Variants in CCDC201 observed in about 807,000 individuals in gnomAD.
The protein encoded by CCDC201 is coiled-coil domain containing 201.
intron 1 of CCDC201, among the ~76,000 whole-genome samples, chr7:45,870,481 T>A (rs905660718): frequency 1.3e-5 from 2 of 152,174 alleles, no homozygotes; most frequent in African/African-American, 4.8e-5. Context: ...CAAAGTAGAA[T>A]TATGGGCAAA....
intron 1 of CCDC201, among the ~76,000 whole-genome samples, chr7:45,870,393 G>T (rs1786731186): frequency 6.6e-6 from 1 of 152,174 alleles, no homozygotes; most frequent in Non-Finnish European, 1.5e-5. Flanking sequence ...AAAACACTGA[G>T]ATTGGGTTAG....
At chr7:45,876,258 A>G (rs1053389207), upstream of CCDC201, among the ~76,000 whole-genome samples, 1 of 152,178 alleles carries the variant, frequency 6.6e-6, no homozygotes, top group Non-Finnish European at 1.5e-5. Context: ...CAGTAACTCA[A>G]ATGACTACCA....
chr7:45,872,068 C>T (rs1786749041), intron 1 of CCDC201, among the ~76,000 whole-genome samples: 1 of 152,138 alleles, frequency 6.6e-6, no homozygotes, highest in Non-Finnish European at 1.5e-5. Flanking sequence ...AACAATGTTT[C>T]CTTATGGTGG....
At position 45,870,016 on chromosome 7, in the gene CCDC201, C is replaced by G. The variant is rs563303228; in HGVS notation, c.18+2974G>C. ...ATTTTTATTAGAAATGGGGTTTTGC[C>G]ATGTTGTCCAGGCTGGTCTCGAACA... is the stretch of plus-strand genomic sequence containing the variant. On this transcript the variant is annotated intron_variant, in intron 1 of 2. Transcript: ENST00000636578. Among the ~76,000 whole-genome samples, 20 of 152,212 alleles carry G rather than the reference C, an allele frequency of 1.3e-4. No individual in the cohort carries two copies. The South Asian group carries it at 3.7e-3, about 28-fold the overall frequency.
At chr7:45,884,703 C>T in the CCDC201 span, among the ~76,000 whole-genome samples, 3 of 152,144 alleles carry the variant, frequency 2.0e-5, no homozygotes, top group Non-Finnish European at 4.4e-5. Flanking sequence ...ACTTACCCTC[C>T]AAGACCAGCC....
chr7:45,869,819 ATT>A lies in CCDC201; in HGVS notation c.18+3169_18+3170del, dbSNP rs113136055. 2.8e-3 allele frequency among the ~76,000 whole-genome samples: 401 copies of A among 140,744 alleles called. 4 individuals are homozygous for A. Among genetic ancestry groups the A allele is most frequent in the African/African-American group, 9.6e-3 (369 of 38,290 alleles). The allele number at this position is 140,744 out of a possible 152,430, so 92.3% of individuals were successfully genotyped here. On this transcript the variant is annotated intron_variant, in intron 1 of 2. Transcript: ENST00000636578. Reference sequence around the variant, plus strand: ...CTACTTTACAGTTTAGTTGCTCCACATTTTTTTTTTTTTTTTGAGACAGAGTC... The same window carrying A: ...CTACTTTACAGTTTAGTTGCTCCACATTTTTTTTTTTTTTGAGACAGAGTC...
upstream of CCDC201, among the ~76,000 whole-genome samples, chr7:45,877,739 G>T (rs1432494671): frequency 6.6e-6 from 1 of 152,192 alleles, no homozygotes. Context: ...TTCAACAGGA[G>T]ATTTGGGTGG....
chr7:45,882,002 A>T, the CCDC201 span, among the ~76,000 whole-genome samples: 1 of 152,172 alleles, frequency 6.6e-6, no homozygotes, highest in African/African-American at 2.4e-5. Context: ...GGGCCTTTGC[A>T]CAGATTTACA....
chr7:45,879,978 C>T, the CCDC201 span, among the ~76,000 whole-genome samples: 2 of 151,972 alleles, frequency 1.3e-5, no homozygotes, highest in Non-Finnish European at 1.5e-5. Flanking sequence ...CCCAGCTACT[C>T]GGGAGGCTGA....
At chr7:45,869,908 C>T (rs1786725074) in intron 1 of CCDC201, among the ~76,000 whole-genome samples, 1 of 151,364 alleles carries the variant, frequency 6.6e-6, no homozygotes, top group African/African-American at 2.4e-5. Flanking sequence ...ACCTCTGCCT[C>T]TTGGATTCAA....
the CCDC201 span, among the ~76,000 whole-genome samples, chr7:45,878,589 A>G: frequency 6.6e-6 from 1 of 152,192 alleles, no homozygotes. Flanking sequence ...GCCACTTTTC[A>G]CCATGGCTGG....
chr7:45,885,038 C>T, the CCDC201 span, among the ~76,000 whole-genome samples: 33 of 152,188 alleles, frequency 2.2e-4, no homozygotes, highest in Non-Finnish European at 4.6e-4. Flanking sequence ...GAGGGGGCAG[C>T]CGCAGGAGGT....
chr7:45,863,797 T>G (rs546194481), intron 2 of CCDC201, among the ~76,000 whole-genome samples: 2 of 152,124 alleles, frequency 1.3e-5, no homozygotes, highest in South Asian at 4.2e-4. Flanking sequence ...AGTGTCTTCC[T>G]AACGCCCTGA....
the CCDC201 span, among the ~76,000 whole-genome samples, chr7:45,882,804 C>T: frequency 6.6e-6 from 1 of 152,190 alleles, no homozygotes; most frequent in Non-Finnish European, 1.5e-5. Flanking sequence ...GTTTAATACC[C>T]TTTTTTGCTC....
At chr7:45,874,245 A>T (rs1291583200), upstream of CCDC201, among the ~76,000 whole-genome samples, 1 of 152,176 alleles carries the variant, frequency 6.6e-6, no homozygotes, top group African/African-American at 2.4e-5. Context: ...AAGACAGCCC[A>T]TAGTTGTGGG....
chr7:45,879,087 T>C, the CCDC201 span, among the ~76,000 whole-genome samples: 3 of 152,262 alleles, frequency 2.0e-5, no homozygotes, highest in African/African-American at 4.8e-5. Flanking sequence ...AAAATGTTGC[T>C]AGTCTCTGCT....
exon 3 of CCDC201, chr7:45,861,055 GTCAC>G (rs1267574533): frequency 6.6e-6 from 1 of 152,174 alleles, no homozygotes; most frequent in Non-Finnish European, 1.5e-5. Context: ...CTTCCCCAGA[GTCAC>G]TCACATTATT....
chr7:45,883,584 T>G, the CCDC201 span, among the ~76,000 whole-genome samples: 3 of 152,176 alleles, frequency 2.0e-5, no homozygotes, highest in African/African-American at 7.2e-5. Flanking sequence ...AGTTGTGCAG[T>G]TGGCTCCAGG....
intron 1 of CCDC201, among the ~76,000 whole-genome samples, chr7:45,872,528 G>A (rs1363552248): frequency 6.6e-6 from 1 of 152,194 alleles, no homozygotes; most frequent in African/African-American, 2.4e-5. Flanking sequence ...GGTTCCAAAG[G>A]CCTCATGAGA....
Sources: allele counts gnomAD v4.1 joint callset (sites outside exome capture counted in the v4.1 genomes callset), GRCh38; gene constraint gnomAD v4.1.1; transcripts MANE v1.5; gene names NCBI Gene and HGNC (gene_info 2026-07-23, HGNC 2026-07-21).